MBD5: variants seen among roughly 807,000 people sequenced by gnomAD.
MBD5 encodes methyl-CpG binding domain protein 5, also known as methyl-CpG-binding domain protein 5.
A neutral mutation model predicts 117.3 loss-of-function variants in MBD5; 13 were observed. The observed-to-expected ratio is 0.11, with a 90% confidence interval of 0.07 to 0.18. MBD5 has a LOEUF of 0.18. MBD5 is among the 10% of genes least tolerant of loss of function. The pLI is 1.00. For synonymous variants in MBD5, 727 were observed against 766.4 expected (o/e 0.95, Z 0.85); for missense variants, 1,879 against 2,093.8 (o/e 0.90, Z 2.00).
intron 2 of MBD5, among the ~76,000 whole-genome samples, chr2:148,228,679 A>G (rs1282306898): frequency 1.3e-5 from 2 of 152,194 alleles, no homozygotes; most frequent in African/African-American, 2.4e-5. Flanking sequence ...GTTTCAGAAG[A>G]AATGGTACCA....
At chr2:148,101,119 C>T (rs1262622256) in intron 1 of MBD5, among the ~76,000 whole-genome samples, 1 of 151,832 alleles carries the variant, frequency 6.6e-6, no homozygotes, top group African/African-American at 2.4e-5. Flanking sequence ...TTTTGTGGCC[C>T]CATTCTCTCT....
intron 4 of MBD5, among the ~76,000 whole-genome samples, chr2:148,348,587 GTCT>G (rs1275908754): frequency 6.6e-6 from 1 of 152,008 alleles, no homozygotes; most frequent in Non-Finnish European, 1.5e-5. Flanking sequence ...TTTGAGAGTA[GTCT>G]TGCAAATCTA....
intron 3 of MBD5, among the ~76,000 whole-genome samples, chr2:148,283,762 G>A (rs1701304703): frequency 6.6e-6 from 1 of 152,112 alleles, no homozygotes; most frequent in Non-Finnish European, 1.5e-5. Flanking sequence ...CTAGAGCAGT[G>A]CAAAGGTTAG....
chr2:148,260,401 C>T (rs991567565), intron 3 of MBD5, among the ~76,000 whole-genome samples: 1 of 152,352 alleles, frequency 6.6e-6, no homozygotes, highest in East Asian at 1.9e-4. Context: ...GCAGTCTCCA[C>T]TTCTAATTAG....
At chr2:148,436,462 T>A (rs1706160662) in intron 4 of MBD5, among the ~76,000 whole-genome samples, 1 of 152,144 alleles carries the variant, frequency 6.6e-6, no homozygotes, top group Admixed American at 6.6e-5. Context: ...AACCTCCGCC[T>A]CCTGGGTTCA....
intron 4 of MBD5, among the ~76,000 whole-genome samples, chr2:148,438,295 T>G (rs1469724586): frequency 6.6e-6 from 1 of 152,220 alleles, no homozygotes; most frequent in African/African-American, 2.4e-5. Context: ...TCACTGCACT[T>G]GTATTTGGAG....
intron 3 of MBD5, among the ~76,000 whole-genome samples, chr2:148,279,222 G>C (rs1011411375): frequency 6.6e-6 from 1 of 152,136 alleles, no homozygotes; most frequent in Admixed American, 6.5e-5. Context: ...TTGAGGCCAG[G>C]AGTTCAAGAC....
intron 3 of MBD5, among the ~76,000 whole-genome samples, chr2:148,317,459 A>C (rs189121052): frequency 6.6e-6 from 1 of 152,198 alleles, no homozygotes; most frequent in Non-Finnish European, 1.5e-5. Context: ...TTTTTAAAAA[A>C]TTATTTTAAT....
At chr2:148,124,763 A>C (rs905219908) in intron 1 of MBD5, among the ~76,000 whole-genome samples, 1 of 152,056 alleles carries the variant, frequency 6.6e-6, no homozygotes, top group Non-Finnish European at 1.5e-5. Context: ...TTGTATTTTC[A>C]TATTTCTGAA....
intron 4 of MBD5, among the ~76,000 whole-genome samples, chr2:148,397,478 C>T (rs922217232): frequency 1.4e-4 from 21 of 151,814 alleles, no homozygotes; most frequent in African/African-American, 4.6e-4. Context: ...TACAGATGCC[C>T]GCCACCACGC....
intron 1 of MBD5, among the ~76,000 whole-genome samples, chr2:148,034,548 G>A (rs1694133973): frequency 6.6e-6 from 1 of 152,074 alleles, no homozygotes; most frequent in Admixed American, 6.5e-5. Flanking sequence ...TTCTAATAAT[G>A]GTCACTAACA....
rs888392680 is a variant in MBD5, at chr2:148,401,510, C to T, written c.-556-56693C>T. Among the ~76,000 whole-genome samples the T allele has an allele frequency of 5.1e-4, 78 of 152,008 alleles. 1 individual carries two copies. Among genetic ancestry groups the T allele is most frequent in the South Asian group, 2.1e-4 (1 of 4,818 alleles). ...AAATCATGTGGGTCAAAATGATTGC[C>T]CTAATTTAAAGCAGGTGAAAGATCT... is the stretch of plus-strand genomic sequence containing the variant. On this transcript the variant is annotated intron_variant, in intron 4 of 13. Transcript: ENST00000642680.
intron 4 of MBD5, among the ~76,000 whole-genome samples, chr2:148,394,390 A>G (rs1170155043): frequency 2.0e-5 from 3 of 152,068 alleles, no homozygotes; most frequent in East Asian, 3.8e-4. Flanking sequence ...AGTCTATGTT[A>G]TAACAATTTT....
chr2:148,025,493 G>T (rs561353982), intron 1 of MBD5: 1 of 148,010 alleles, frequency 6.8e-6, no homozygotes, highest in Admixed American at 6.8e-5. Flanking sequence ...ATTGCTAACC[G>T]TAATTCTTTT....
At chr2:148,256,907 G>C (rs1700604912) in intron 3 of MBD5, among the ~76,000 whole-genome samples, 1 of 152,194 alleles carries the variant, frequency 6.6e-6, no homozygotes, top group African/African-American at 2.4e-5. Context: ...ACTGCTCCAA[G>C]TAGGCACTCC....
At chr2:148,023,778 T>A (rs1022605848) in intron 1 of MBD5, among the ~76,000 whole-genome samples, 8 of 151,866 alleles carry the variant, frequency 5.3e-5, no homozygotes, top group South Asian at 2.1e-4. Flanking sequence ...TTTTTTTTTT[T>A]AAACATTTTT....
intron 4 of MBD5, among the ~76,000 whole-genome samples, chr2:148,377,457 C>A (rs1704022714): frequency 6.6e-6 from 1 of 152,176 alleles, no homozygotes; most frequent in Non-Finnish European, 1.5e-5. Context: ...TCAGTATTAA[C>A]CATCACAGGT....
At chr2:148,298,926 A>C (rs1166347994) in intron 3 of MBD5, among the ~76,000 whole-genome samples, 1 of 152,152 alleles carries the variant, frequency 6.6e-6, no homozygotes. Context: ...GGTTACAGCC[A>C]ATCTCAGTTG....
intron 2 of MBD5, among the ~76,000 whole-genome samples, chr2:148,216,580 C>T (rs1407224326): frequency 1.3e-5 from 2 of 152,148 alleles, no homozygotes; most frequent in Non-Finnish European, 2.9e-5. Flanking sequence ...TGCTTGGCTA[C>T]TTATATAAAG....
Sources: gnomAD v4.1 joint callset for allele counts (sites outside exome capture counted in the v4.1 genomes callset) on GRCh38, gnomAD v4.1.1 for gene constraint, MANE v1.5 for transcripts, NCBI Gene and HGNC (gene_info 2026-07-23, HGNC 2026-07-21) for gene names.